MACROD2: variants seen among roughly 807,000 people sequenced by gnomAD.
MACROD2 encodes the protein mono-ADP ribosylhydrolase 2.
In MACROD2, 36 loss-of-function variants were observed where a neutral mutation model predicts 70.4. The observed-to-expected ratio is 0.51, with a 90% CI of 0.39 to 0.68. The LOEUF is 0.68. MACROD2 is among the 30% of genes least tolerant of loss of function. The pLI is 0.00. For synonymous variants in MACROD2, 172 were observed against 178.8 expected (o/e 0.96, Z 0.30); for missense variants, 496 against 538.4 (o/e 0.92, Z 0.78).
intron 6 of MACROD2, among the ~76,000 whole-genome samples, chr20:15,240,808 C>G (rs2077054334): frequency 6.6e-6 from 1 of 152,170 alleles, no homozygotes; most frequent in Non-Finnish European, 1.5e-5. Flanking sequence ...TAATAAGAGA[C>G]ACCAGAGGCC....
chr20:15,118,626 T>G (rs1003993102), intron 5 of MACROD2, among the ~76,000 whole-genome samples: 1 of 152,192 alleles, frequency 6.6e-6, no homozygotes, highest in Non-Finnish European at 1.5e-5. Flanking sequence ...GGAAATCAGT[T>G]CTGAGATACT....
At chr20:15,592,505 C>T (rs1200345113) in intron 8 of MACROD2, among the ~76,000 whole-genome samples, 1 of 152,218 alleles carries the variant, frequency 6.6e-6, no homozygotes, top group Non-Finnish European at 1.5e-5. Context: ...TTGCTCTTGA[C>T]TTCTCAGACT....
chr20:15,669,081 C>A (rs1227375159), intron 8 of MACROD2, among the ~76,000 whole-genome samples: 1 of 152,154 alleles, frequency 6.6e-6, no homozygotes, highest in African/African-American at 2.4e-5. Context: ...ATACTCCAAC[C>A]TTTTAACAAG....
chr20:15,297,277 A>C (rs113968670), intron 6 of MACROD2, among the ~76,000 whole-genome samples: 5,252 of 152,236 alleles, frequency 0.034, 121 homozygotes, highest in South Asian at 0.08. Context: ...TTTGCTACAC[A>C]CATATGGACT....
chr20:15,598,196 C>G (rs2048771548), intron 8 of MACROD2, among the ~76,000 whole-genome samples: 1 of 152,190 alleles, frequency 6.6e-6, no homozygotes, highest in South Asian at 2.1e-4. Flanking sequence ...TCAAAACAAA[C>G]ATGTTTGAAG....
At chr20:15,491,868 A>C (rs1431801781) in intron 7 of MACROD2, among the ~76,000 whole-genome samples, 1 of 152,240 alleles carries the variant, frequency 6.6e-6, no homozygotes, top group Non-Finnish European at 1.5e-5. Flanking sequence ...AGATACATGC[A>C]GTGCATCGTC....
At chr20:14,272,055 G>C (rs2082201035) in intron 3 of MACROD2, among the ~76,000 whole-genome samples, 1 of 152,138 alleles carries the variant, frequency 6.6e-6, no homozygotes, top group African/African-American at 2.4e-5. Context: ...ATGGAACCAA[G>C]TTGGAAAACA....
At chr20:15,130,970 A>G (rs73097524) in intron 5 of MACROD2, among the ~76,000 whole-genome samples, 32,084 of 151,990 alleles carry the variant, frequency 0.21, 4,647 homozygotes, top group Non-Finnish European at 0.32. Flanking sequence ...ACCAGAGAGG[A>G]GATGGCAAAA....
At chr20:16,047,668 C>G (rs2067401769) in intron 17 of MACROD2, among the ~76,000 whole-genome samples, 1 of 42,150 alleles carries the variant, frequency 2.4e-5, no homozygotes, top group Non-Finnish European at 5.4e-5. Flanking sequence ...GATGTTCTGG[C>G]CCCAGCAGGT....
At chr20:15,493,034 G>A (rs542022389) in intron 7 of MACROD2, among the ~76,000 whole-genome samples, 53 of 152,238 alleles carry the variant, frequency 3.5e-4, no homozygotes, top group Non-Finnish European at 5.0e-4. Flanking sequence ...CCCCATGCTC[G>A]GCTGGGTGGG....
intron 7 of MACROD2, among the ~76,000 whole-genome samples, chr20:15,449,195 G>A (rs2046608096): frequency 6.6e-6 from 1 of 152,060 alleles, no homozygotes; most frequent in Admixed American, 6.5e-5. Context: ...AAATACTCAT[G>A]GCATTGAAAT....
chr20:15,449,061 T>C (rs893457339), intron 7 of MACROD2, among the ~76,000 whole-genome samples: 8 of 152,158 alleles, frequency 5.3e-5, no homozygotes, highest in African/African-American at 1.9e-4. Flanking sequence ...TACTAATTGA[T>C]TTTTTATTCC....
At chr20:14,475,972 CA>C (rs2084589607) in intron 3 of MACROD2, among the ~76,000 whole-genome samples, 1 of 151,836 alleles carries the variant, frequency 6.6e-6, no homozygotes, top group Non-Finnish European at 1.5e-5. Flanking sequence ...ATTTGAGGAT[CA>C]ATTTGAATGA....
At chr20:15,674,700 G>T (rs1460794437) in intron 8 of MACROD2, among the ~76,000 whole-genome samples, 1 of 151,612 alleles carries the variant, frequency 6.6e-6, no homozygotes, top group Non-Finnish European at 1.5e-5. Flanking sequence ...ACACATATTT[G>T]TCAAACTGTA....
At chr20:15,886,514 G>GT (rs1321958955) in intron 10 of MACROD2, among the ~76,000 whole-genome samples, 1 of 152,150 alleles carries the variant, frequency 6.6e-6, no homozygotes, top group Non-Finnish European at 1.5e-5. Context: ...TCTATAGAGC[G>GT]TGTAAGACCT....
At chr20:14,020,427 C>T (rs923741321) in intron 2 of MACROD2, among the ~76,000 whole-genome samples, 23 of 152,200 alleles carry the variant, frequency 1.5e-4, no homozygotes, top group African/African-American at 3.1e-4. Context: ...GAGCCGAGAT[C>T]GCACCCTTGC....
intron 4 of MACROD2, chr20:14,628,898 C>T (rs940435206): frequency 4.6e-5 from 7 of 152,110 alleles, no homozygotes; most frequent in African/African-American, 1.7e-4. Flanking sequence ...TCTAAGTTTC[C>T]GTAATCTTTC....
intron 6 of MACROD2, among the ~76,000 whole-genome samples, chr20:15,269,576 A>G (rs548741696): frequency 6.6e-6 from 1 of 152,218 alleles, no homozygotes; most frequent in Non-Finnish European, 1.5e-5. Context: ...CAGTGAAAAG[A>G]TTATCATCTC....
At chr20:15,491,894 T>C (rs953210865) in intron 7 of MACROD2, among the ~76,000 whole-genome samples, 4 of 152,230 alleles carry the variant, frequency 2.6e-5, no homozygotes, top group African/African-American at 9.6e-5. Flanking sequence ...CTGCTCTTGT[T>C]ACCCAACTTA....
Sources: gnomAD v4.1 joint callset for allele counts (sites outside exome capture counted in the v4.1 genomes callset) on GRCh38, gnomAD v4.1.1 for gene constraint, MANE v1.5 for transcripts, NCBI Gene and HGNC (gene_info 2026-07-23, HGNC 2026-07-21) for gene names.